Variants in MGST2 observed in about 807,000 individuals in gnomAD.
MGST2 encodes the protein glutathione peroxidase MGST2.
A neutral mutation model predicts 16.6 loss-of-function variants in MGST2; 9 were observed. The ratio of observed to expected loss-of-function variants is 0.54; its 90% CI spans 0.33 to 0.95. The LOEUF is 0.95. Among genes scored for constraint, MGST2 ranks in the 40% least tolerant of loss-of-function variants. The pLI, the probability that MGST2 is intolerant of heterozygous loss-of-function variation, is 0.03. For synonymous variants in MGST2, 79 were observed against 68.0 expected (o/e 1.16, Z -0.79); for missense variants, 159 against 175.1 (o/e 0.91, Z 0.52).
intron 2 of MGST2, among the ~76,000 whole-genome samples, chr4:139,693,481 A>G (rs1579317929): frequency 6.6e-6 from 1 of 151,836 alleles, no homozygotes; most frequent in Non-Finnish European, 1.5e-5. Context: ...ACTACATTTT[A>G]CCTCGTGGGA....
At chr4:139,753,070 G>A in the MGST2 span, among the ~76,000 whole-genome samples, 1 of 152,130 alleles carries the variant, frequency 6.6e-6, no homozygotes, top group African/African-American at 2.4e-5. Context: ...TTCAGGAGAG[G>A]GCTCAGCCAG....
downstream of MGST2, among the ~76,000 whole-genome samples, chr4:139,704,951 A>G (rs345978): frequency 0.87 from 133,070 of 152,208 alleles, 58,154 homozygotes; most frequent in East Asian, 0.91. Flanking sequence ...ACAAAAACAG[A>G]TTATAAAAAT....
At chr4:139,719,251 G>A (rs901953490) in intron 5 of MGST2, 49 of 1,487,778 alleles carry the variant, frequency 3.3e-5, no homozygotes, top group Middle Eastern at 1.9e-4. Flanking sequence ...ACAAGGATGG[G>A]TCAACATCCT....
At chr4:139,677,439 A>G (rs973672520) in intron 1 of MGST2, among the ~76,000 whole-genome samples, 5 of 152,164 alleles carry the variant, frequency 3.3e-5, no homozygotes, top group African/African-American at 1.2e-4. Flanking sequence ...TAAAGGTTAC[A>G]TTCTTTTGAG....
At chr4:139,671,352 C>A (rs1730683100) in intron 1 of MGST2, among the ~76,000 whole-genome samples, 1 of 151,856 alleles carries the variant, frequency 6.6e-6, no homozygotes, top group Admixed American at 6.6e-5. Flanking sequence ...GAAAGACAGG[C>A]AAAGCAAAAG....
chr4:139,696,588 T>C (rs1289240106), intron 3 of MGST2, among the ~76,000 whole-genome samples: 2 of 152,206 alleles, frequency 1.3e-5, no homozygotes, highest in African/African-American at 4.8e-5. Context: ...TTCTCCAAGA[T>C]TCATATCTTG....
intron 5 of MGST2, chr4:139,719,655 G>C: frequency 6.2e-7 from 1 of 1,612,844 alleles, no homozygotes; most frequent in South Asian, 1.1e-5. Flanking sequence ...GGCATCATCT[G>C]CCGACCCATG....
At chr4:139,697,049 A>G (rs1005918998) in intron 3 of MGST2, among the ~76,000 whole-genome samples, 3 of 152,188 alleles carry the variant, frequency 2.0e-5, no homozygotes, top group African/African-American at 7.2e-5. Context: ...TCCTGACTTC[A>G]GGGACAAAGC....
chr4:139,717,070 A>G (rs564702888), intron 5 of MGST2: 2 of 151,864 alleles, frequency 1.3e-5, no homozygotes, highest in Non-Finnish European at 2.9e-5. Flanking sequence ...TTTTTTACAG[A>G]TAGTAGACCC....
chr4:139,732,130 G>C (rs1014965125), intron 5 of MGST2, among the ~76,000 whole-genome samples: 2 of 152,192 alleles, frequency 1.3e-5, no homozygotes, highest in Admixed American at 6.5e-5. Flanking sequence ...GAATAACTCT[G>C]TCATTTAAAA....
At chr4:139,702,867 T>TTTTTTTTTTTTTTTTTTTTTTTTTTTTTC (rs767366469) in intron 3 of MGST2, among the ~76,000 whole-genome samples, 2 of 132,454 alleles carry the variant, frequency 1.5e-5, no homozygotes, top group Admixed American at 7.7e-5. Context: ...TTTTTTTTTT[T>TTTTTTTTTTTTTTTTTTTTTTTTTTTTTC]TTTACAATTT....
rs576870645 is a variant in MGST2 at position 139,727,013 on chromosome 4, A to G, written c.*49-13199A>G. 2.8e-4 allele frequency among the ~76,000 whole-genome samples: 42 copies of G among 152,324 alleles called. No individual in the cohort carries two copies. In the South Asian group the frequency reaches 5.6e-3, roughly 20 times the overall value. The stretch of plus-strand genomic sequence containing the variant: ...AGCACCTTTCATCTGCAAGGGCTAT[A>G]AAGAATATACAACAAGGTCCCTGTT... On this transcript the variant is annotated intron_variant, in intron 5 of 5. Transcript: ENST00000616265.
chr4:139,704,277 T>C (rs1258992989), downstream of MGST2: 2 of 1,162,924 alleles, frequency 1.7e-6, no homozygotes, highest in East Asian at 2.5e-5. Context: ...ACACACACTT[T>C]AGAGAATACA....
At chr4:139,716,941 G>T (rs1320909955) in intron 5 of MGST2, 2 of 152,570 alleles carry the variant, frequency 1.3e-5, no homozygotes, top group Non-Finnish European at 2.9e-5. Flanking sequence ...AGGTCATACA[G>T]TACAAATTAG....
chr4:139,680,211 TA>T, intron 2 of MGST2, among the ~76,000 whole-genome samples: 1 of 149,000 alleles, frequency 6.7e-6, no homozygotes, highest in South Asian at 2.1e-4. Context: ...TCTGTTAGGT[TA>T]AATCAATAGC....
chr4:139,747,546 T>C, the MGST2 span, among the ~76,000 whole-genome samples: 1 of 151,724 alleles, frequency 6.6e-6, no homozygotes, highest in Non-Finnish European at 1.5e-5. Flanking sequence ...ATACAAAAAT[T>C]AGCCGGCTGT....
chr4:139,719,040 G>A (rs1039907905), intron 5 of MGST2: 11 of 399,926 alleles, frequency 2.8e-5, no homozygotes, highest in African/African-American at 2.2e-4. Context: ...GGGCAGAGGG[G>A]CTCTGGCCGG....
chr4:139,707,054 TTTTA>T (rs1316758673), downstream of MGST2, among the ~76,000 whole-genome samples: 1 of 152,150 alleles, frequency 6.6e-6, no homozygotes, highest in Non-Finnish European at 1.5e-5. Flanking sequence ...TTTATTTTTA[TTTTA>T]TTATTATTAT....
At chr4:139,692,994 C>T (rs914673151) in intron 2 of MGST2, among the ~76,000 whole-genome samples, 1 of 152,226 alleles carries the variant, frequency 6.6e-6, no homozygotes, top group African/African-American at 2.4e-5. Flanking sequence ...ACAATCTTAT[C>T]ACACCTAATT....
Sources: allele counts gnomAD v4.1 joint callset (sites outside exome capture counted in the v4.1 genomes callset), GRCh38; gene constraint gnomAD v4.1.1; transcripts MANE v1.5; gene names NCBI Gene and HGNC (gene_info 2026-07-23, HGNC 2026-07-21).